SOX5: variants seen among roughly 807,000 people sequenced by gnomAD.
The protein encoded by SOX5 is transcription factor SOX-5.
A neutral mutation model predicts 92.0 loss-of-function variants in SOX5; 9 were observed. That is an observed-to-expected ratio of 0.10 (90% CI 0.06 to 0.17). SOX5 has a LOEUF of 0.17. SOX5 is among the 10% of genes least tolerant of loss of function. SOX5 has a pLI of 1.00. For synonymous variants in SOX5, 344 were observed against 336.3 expected (o/e 1.02, Z -0.25); for missense variants, 642 against 944.5 (o/e 0.68, Z 4.20).
chr12:23,989,427 C>A (rs1269390196), intron 4 of SOX5, among the ~76,000 whole-genome samples: 1 of 151,776 alleles, frequency 6.6e-6, no homozygotes, highest in Non-Finnish European at 1.5e-5. Flanking sequence ...TCTTAATAGA[C>A]TTTTAGTATG....
intron 2 of SOX5, among the ~76,000 whole-genome samples, chr12:23,867,622 A>C (rs1436158162): frequency 6.6e-6 from 1 of 152,076 alleles, no homozygotes. Context: ...AAATTAAAAA[A>C]ATCTAGATTT....
intron 1 of SOX5, among the ~76,000 whole-genome samples, chr12:24,441,331 C>T (rs949778478): frequency 5.3e-5 from 8 of 152,306 alleles, no homozygotes; most frequent in East Asian, 3.9e-4. Flanking sequence ...TCTCCTCCTA[C>T]GGTCCACCTA....
chr12:24,428,756 A>AAAAAAAAAAAAAAAC (rs1447610804), intron 1 of SOX5, among the ~76,000 whole-genome samples: 1 of 148,324 alleles, frequency 6.7e-6, no homozygotes, highest in African/African-American at 2.5e-5. Context: ...AAAAAAAAAA[A>AAAAAAAAAAAAAAAC]AAAGCTAATT....
chr12:24,455,615 G>T (rs1942919358), intron 1 of SOX5, among the ~76,000 whole-genome samples: 1 of 152,232 alleles, frequency 6.6e-6, no homozygotes, highest in Non-Finnish European at 1.5e-5. Flanking sequence ...ACTATGTGCA[G>T]AGATTTTGAA....
chr12:23,891,021 T>C (rs2097125287), intron 2 of SOX5, among the ~76,000 whole-genome samples: 1 of 152,200 alleles, frequency 6.6e-6, no homozygotes, highest in Admixed American at 6.5e-5. Context: ...ACCAACAGAA[T>C]CAGTCTTTTT....
intron 4 of SOX5, among the ~76,000 whole-genome samples, chr12:24,193,920 G>A (rs1236136393): frequency 6.6e-6 from 1 of 152,012 alleles, no homozygotes; most frequent in African/African-American, 2.4e-5. Context: ...TTTTAATCAT[G>A]ACCTTTCAGC....
chr12:24,185,898 T>A (rs1039710373), intron 4 of SOX5, among the ~76,000 whole-genome samples: 7 of 152,138 alleles, frequency 4.6e-5, no homozygotes, highest in African/African-American at 1.7e-4. Flanking sequence ...ATGCTGAAGC[T>A]GACATGGAGA....
intron 4 of SOX5, among the ~76,000 whole-genome samples, chr12:23,978,865 A>G (rs1949205076): frequency 6.6e-6 from 1 of 152,192 alleles, no homozygotes; most frequent in South Asian, 2.1e-4. Flanking sequence ...TATCCAGACA[A>G]TTAAGTGTTT....
At chr12:23,860,564 G>A (rs984082194) in intron 2 of SOX5, among the ~76,000 whole-genome samples, 2 of 152,128 alleles carry the variant, frequency 1.3e-5, no homozygotes, top group Non-Finnish European at 2.9e-5. Flanking sequence ...TATAGCTTGA[G>A]CATTAGTCCT....
chr12:24,409,860 A>G (rs1963745222), intron 1 of SOX5, among the ~76,000 whole-genome samples: 3 of 152,132 alleles, frequency 2.0e-5, no homozygotes, highest in African/African-American at 7.2e-5. Context: ...CTTTTTTACT[A>G]TAGAGTTTTC....
intron 1 of SOX5, among the ~76,000 whole-genome samples, chr12:24,493,663 G>T (rs1947317643): frequency 1.3e-5 from 2 of 152,074 alleles, no homozygotes; most frequent in Non-Finnish European, 2.9e-5. Flanking sequence ...AGGAGATCGA[G>T]ACCATCCTGG....
chr12:23,965,436 T>G (rs1052825495), intron 4 of SOX5, among the ~76,000 whole-genome samples: 11 of 152,106 alleles, frequency 7.2e-5, no homozygotes, highest in Admixed American at 5.2e-4. Context: ...GGGGGGGACC[T>G]CAGGCACGAA....
At chr12:24,328,055 T>C (rs1477433983) in intron 2 of SOX5, among the ~76,000 whole-genome samples, 1 of 152,180 alleles carries the variant, frequency 6.6e-6, no homozygotes, top group East Asian at 1.9e-4. Context: ...CAAACCTCAG[T>C]ACACTTTTAA....
chr12:23,954,286 C>T (rs942169832), upstream of SOX5, among the ~76,000 whole-genome samples: 1 of 151,940 alleles, frequency 6.6e-6, no homozygotes, highest in African/African-American at 2.4e-5. Context: ...AGAAATAAAA[C>T]TCTTAATATT....
At chr12:24,360,378 G>C (rs532399511) in intron 2 of SOX5, among the ~76,000 whole-genome samples, 210 of 152,212 alleles carry the variant, frequency 1.4e-3, no homozygotes, top group African/African-American at 4.7e-3. Flanking sequence ...ATTCTTATTT[G>C]ATGAATAGTC....
chr12:23,536,454 C>A lies in SOX5; in HGVS notation c.1987G>T (p.Gly663Trp). The change falls in exon 14 of 15, where the codon GGG becomes TGG. Residue 663 changes from glycine (G) to tryptophan (W), a missense_variant and splice_region_variant. By Grantham distance (184) the Gly-to-Trp change is radical. This residue lies in a region of SOX5 where 130 missense variants were observed against 140.6 expected (regional missense o/e 0.92). Transcript: ENST00000451604. ...GAAAAATGACTAAAAGGTACATACCCAACATTGAAGTACTGCCGCATTTCC... is the reference window on the plus strand; with the variant it reads ...GAAAAATGACTAAAAGGTACATACCAAACATTGAAGTACTGCCGCATTTCC... ...RQEMRQYFNV[G>W]QQAQIPIATA... The A allele has an allele frequency of 6.2e-7, 1 of 1,612,912 alleles. No homozygotes were observed. Among genetic ancestry groups the A allele is most frequent in the Non-Finnish European group, 8.5e-7 (1 of 1,179,148 alleles).
chr12:23,663,847 T>G (rs2083404962), intron 7 of SOX5, among the ~76,000 whole-genome samples: 1 of 152,014 alleles, frequency 6.6e-6, no homozygotes, highest in African/African-American at 2.4e-5. Flanking sequence ...ATTTAATTAT[T>G]AAAAAAAGTT....
chr12:24,051,853 A>G (rs1365472810), intron 4 of SOX5, among the ~76,000 whole-genome samples: 2 of 152,190 alleles, frequency 1.3e-5, no homozygotes, highest in African/African-American at 4.8e-5. Flanking sequence ...GTCTCTTCTT[A>G]GTAATCTGTT....
rs1939530929 is a variant in SOX5 at position 23,533,513 on chromosome 12, A to AGAT, written c.*703_*705dup. The AGAT allele has an allele frequency of 5.3e-6, 1 of 187,026 alleles. No individual in the cohort carries two copies. Among genetic ancestry groups the AGAT allele is most frequent in the Admixed American group, 5.6e-5 (1 of 17,796 alleles). The allele number at this position is 187,026 out of a possible 1,614,324, so 11.6% of individuals were successfully genotyped here. On this transcript the variant is annotated 3_prime_UTR_variant, in exon 15 of 15. Coordinates refer to ENST00000451604, the MANE Select transcript of SOX5 (RefSeq NM_006940.6). ...CAGTACAAATTTGGCACTTGCTCAA[A>AGAT]GATGTAGTGTGGTGTGCAATAGATA...
Sources: gnomAD v4.1 joint callset for allele counts (sites outside exome capture counted in the v4.1 genomes callset) on GRCh38, gnomAD v4.1.1 for gene constraint, gnomAD v4.1.1 regional missense constraint, MANE v1.5 for transcripts, NCBI Gene and HGNC (gene_info 2026-07-23, HGNC 2026-07-21) for gene names.